The following NAV1 variants were observed in gnomAD, a reference collection of about 807,000 sequenced individuals.
The protein encoded by NAV1 is neuron navigator 1, also known as pore membrane and/or filament interacting like protein 3.
NAV1 carries 18 observed loss-of-function variants against 175.2 expected under a neutral mutation model. The ratio of observed to expected loss-of-function variants is 0.10; its 90% CI spans 0.07 to 0.15. The LOEUF is 0.15. NAV1 is among the 10% of genes least tolerant of loss of function. The pLI, the probability that NAV1 is intolerant of heterozygous loss-of-function variation, is 1.00. For missense variants in NAV1, 1,731 were observed against 2,436.6 expected, an observed-to-expected ratio of 0.71 and a Z score of 6.10; for synonymous variants, 897 against 978.7, an observed-to-expected ratio of 0.92 and a Z score of 1.56.
chr1:201,706,893 C>G (rs948389122), intron 1 of NAV1, among the ~76,000 whole-genome samples: 8 of 152,188 alleles, frequency 5.3e-5, no homozygotes, highest in Admixed American at 3.9e-4. Context: ...TCCCATGAGT[C>G]TCCTTCTTCC....
chr1:201,648,776 G>A, exon 1 of NAV1: 1 of 1,413,102 alleles, frequency 7.1e-7, no homozygotes, highest in East Asian at 3.0e-5. Flanking sequence ...AGGCGGCAGC[G>A]GCGGACGGCA....
At chr1:201,660,489 T>G (rs1174827844) in intron 1 of NAV1, among the ~76,000 whole-genome samples, 1 of 152,158 alleles carries the variant, frequency 6.6e-6, no homozygotes, top group Non-Finnish European at 1.5e-5. Context: ...GCCTGTAGCT[T>G]TGGGACCACT....
At chr1:201,619,645 T>TGCTGGG (rs1204227077), upstream of NAV1, among the ~76,000 whole-genome samples, 2 of 152,236 alleles carry the variant, frequency 1.3e-5, no homozygotes, top group African/African-American at 4.8e-5. Flanking sequence ...GTCCTTGGCA[T>TGCTGGG]GCTGGGGCTG....
chr1:201,746,590 G>A (rs1558121897), intron 3 of NAV1, among the ~76,000 whole-genome samples: 1 of 152,208 alleles, frequency 6.6e-6, no homozygotes, highest in Non-Finnish European at 1.5e-5. Flanking sequence ...GCTGGAAATA[G>A]GAAGCAAGCA....
At chr1:201,579,447 C>T (rs980847567) in intron 1 of NAV1, among the ~76,000 whole-genome samples, 4 of 152,108 alleles carry the variant, frequency 2.6e-5, no homozygotes, top group Admixed American at 6.5e-5. Context: ...CCTCTGCCTC[C>T]TGGGTTCAAG....
intron 2 of NAV1, among the ~76,000 whole-genome samples, chr1:201,591,750 G>A (rs992318963): frequency 2.0e-5 from 3 of 152,002 alleles, no homozygotes; most frequent in East Asian, 1.9e-4. Context: ...CCCTCTCAGC[G>A]GCATTGTCCC....
At chr1:201,611,984 C>T (rs995253477) in intron 2 of NAV1, among the ~76,000 whole-genome samples, 1 of 151,886 alleles carries the variant, frequency 6.6e-6, no homozygotes, top group African/African-American at 2.4e-5. Context: ...TGTGTGAGCA[C>T]GTACCTGTGT....
intron 3 of NAV1, among the ~76,000 whole-genome samples, chr1:201,775,602 A>G (rs904860168): frequency 9.2e-5 from 14 of 152,212 alleles, no homozygotes; most frequent in Non-Finnish European, 2.1e-4. Context: ...TACAAACAGA[A>G]CAAAGCAACT....
At chr1:201,567,042 A>G (rs1218021575) in intron 1 of NAV1, among the ~76,000 whole-genome samples, 2 of 152,082 alleles carry the variant, frequency 1.3e-5, no homozygotes, top group Non-Finnish European at 2.9e-5. Context: ...GTTTTGGAAT[A>G]GTTTGTCCCC....
chr1:201,607,672 A>C (rs1019115587), intron 2 of NAV1, among the ~76,000 whole-genome samples: 9 of 131,934 alleles, frequency 6.8e-5, no homozygotes, highest in Non-Finnish European at 1.5e-4. Flanking sequence ...TTGTATTTTT[A>C]GTAGAGACAG....
At chr1:201,651,978 G>A (rs1292213176) in intron 1 of NAV1, among the ~76,000 whole-genome samples, 1 of 152,100 alleles carries the variant, frequency 6.6e-6, no homozygotes, top group Non-Finnish European at 1.5e-5. Context: ...GTGAAGGGCA[G>A]AGGGTAGACT....
At chr1:201,561,025 G>C (rs1666181342) in intron 1 of NAV1, among the ~76,000 whole-genome samples, 1 of 152,206 alleles carries the variant, frequency 6.6e-6, no homozygotes, top group African/African-American at 2.4e-5. Context: ...TTCATCCAGT[G>C]ACTGGCTTGG....
At chr1:201,688,808 C>A (rs1670784234) in intron 1 of NAV1, among the ~76,000 whole-genome samples, 1 of 152,184 alleles carries the variant, frequency 6.6e-6, no homozygotes, top group South Asian at 2.1e-4. Context: ...ATCTCTCTTC[C>A]CTGTCCCTGA....
chr1:201,584,282 G>A (rs570255385), intron 1 of NAV1, among the ~76,000 whole-genome samples: 10 of 152,298 alleles, frequency 6.6e-5, no homozygotes, highest in Admixed American at 2.6e-4. Flanking sequence ...TGTTTTTAGG[G>A]ACTGCCCATC....
At chr1:201,695,341 T>G (rs1473626281) in intron 1 of NAV1, among the ~76,000 whole-genome samples, 1 of 152,180 alleles carries the variant, frequency 6.6e-6, no homozygotes, top group Non-Finnish European at 1.5e-5. Flanking sequence ...AGTTCCGGGT[T>G]CAAGCTGAAC....
At chr1:201,613,708 C>T (rs969892136) in intron 2 of NAV1, among the ~76,000 whole-genome samples, 1 of 151,966 alleles carries the variant, frequency 6.6e-6, no homozygotes, top group Non-Finnish European at 1.5e-5. Flanking sequence ...AATAAAAATA[C>T]AAAATTAGCC....
exon 1 of NAV1, chr1:201,648,509 C>G: frequency 8.1e-7 from 1 of 1,239,986 alleles, no homozygotes; most frequent in Non-Finnish European, 1.0e-6. Flanking sequence ...TCTCCCTCCT[C>G]CCTCGCTCTC....
intron 1 of NAV1, among the ~76,000 whole-genome samples, chr1:201,710,004 G>A (rs1671830760): frequency 6.6e-6 from 1 of 152,106 alleles, no homozygotes; most frequent in Non-Finnish European, 1.5e-5. Flanking sequence ...TGGAATTGAG[G>A]AAGGGGCTAG....
At chr1:201,731,375 CAG>C (rs1672853805) in intron 3 of NAV1, among the ~76,000 whole-genome samples, 1 of 152,024 alleles carries the variant, frequency 6.6e-6, no homozygotes, top group African/African-American at 2.4e-5. Context: ...CAGACAGGCA[CAG>C]AGAGTGTCTG....
Sources: allele counts gnomAD v4.1 joint callset (sites outside exome capture counted in the v4.1 genomes callset), GRCh38; gene constraint gnomAD v4.1.1; transcripts MANE v1.5; gene names NCBI Gene and HGNC (gene_info 2026-07-23, HGNC 2026-07-21).